Variants in MAML2 observed in about 807,000 individuals in gnomAD.
MAML2 encodes the protein mastermind-like protein 2.
A neutral mutation model predicts 96.1 loss-of-function variants in MAML2; 22 were observed. The observed-to-expected ratio is 0.23, with a 90% CI of 0.16 to 0.33. The LOEUF is 0.33. Among genes scored for constraint, MAML2 ranks in the 10% least tolerant of loss-of-function variants. MAML2 has a pLI of 1.00. For missense variants in MAML2, 1,367 were observed against 1,392.4 expected, an observed-to-expected ratio of 0.98 and a Z score of 0.29; for synonymous variants, 561 against 521.3, an observed-to-expected ratio of 1.08 and a Z score of -1.04.
intron 2 of MAML2, among the ~76,000 whole-genome samples, chr11:96,050,668 T>A (rs1019986534): frequency 1.3e-5 from 2 of 152,208 alleles, no homozygotes; most frequent in Non-Finnish European, 2.9e-5. Flanking sequence ...TGGGAGGAAC[T>A]ATAAATGAAC....
chr11:96,329,973 A>G (rs1452222019), intron 1 of MAML2, among the ~76,000 whole-genome samples: 1 of 152,222 alleles, frequency 6.6e-6, no homozygotes, highest in Non-Finnish European at 1.5e-5. Flanking sequence ...TATATTTGCT[A>G]TGCTGTTTGA....
At chr11:96,152,894 T>C (rs1860946261) in intron 1 of MAML2, among the ~76,000 whole-genome samples, 2 of 152,204 alleles carry the variant, frequency 1.3e-5, no homozygotes, top group African/African-American at 4.8e-5. Context: ...TCTCACAGAT[T>C]GGATGCAAGC....
At position 96,276,723 on chromosome 11, in the gene MAML2, G is replaced by T. The variant is rs1004612588; in HGVS notation, c.513+64660C>A. ...TCAGGTCGAAGTGGCTTGCGAAAAG[G>T]CTACTAAAAAACAGAAGAGGAAAAA... On this transcript the variant is annotated intron_variant, in intron 1 of 4. Coordinates refer to ENST00000524717, the MANE Select transcript of MAML2 (RefSeq NM_032427.4). 3.4e-5 allele frequency among the ~76,000 whole-genome samples: 5 copies of T among 149,250 alleles called. No homozygotes were observed. The South Asian group carries it at 8.4e-4, about 25-fold the overall frequency.
In MAML2 at chr11:96,255,912, T is replaced by A. The variant is rs184772320; in HGVS notation, c.513+85471A>T. Among the ~76,000 whole-genome samples, 987 of 140,384 alleles carry A rather than the reference T, an allele frequency of 7.0e-3. 15 individuals are homozygous for A. The highest frequency in any genetic ancestry group is 0.023 in the African/African-American group (897 of 38,620). 92.1% of individuals were successfully genotyped at this position (140,384 alleles called of 152,430 possible). A position where few individuals can be genotyped will look rare whatever the true frequency, so the allele number is the denominator to read the frequency against. ...TTTTGAGACAGAGTTTTGCTCTTGTTGCCCAGGCTGAAGTGCAATGGCGCG... is the reference window on the plus strand; with the variant it reads ...TTTTGAGACAGAGTTTTGCTCTTGTAGCCCAGGCTGAAGTGCAATGGCGCG... On this transcript the variant is annotated intron_variant, in intron 1 of 4. Transcript: ENST00000524717.
At chr11:96,055,514 C>A (rs1315167985) in intron 2 of MAML2, among the ~76,000 whole-genome samples, 1 of 152,192 alleles carries the variant, frequency 6.6e-6, no homozygotes, top group African/African-American at 2.4e-5. Flanking sequence ...AGAGCCTTTT[C>A]TCTCTATACT....
intron 1 of MAML2, among the ~76,000 whole-genome samples, chr11:96,323,357 C>CAGAATAT (rs1406809140): frequency 1.6e-4 from 25 of 151,778 alleles, no homozygotes; most frequent in African/African-American, 5.8e-4. Flanking sequence ...GAGAATTTCC[C>CAGAATAT]TCAGAATATT....
At chr11:96,279,623 C>T (rs1405352266) in intron 1 of MAML2, among the ~76,000 whole-genome samples, 1 of 152,192 alleles carries the variant, frequency 6.6e-6, no homozygotes, top group African/African-American at 2.4e-5. Context: ...ATTTGACACT[C>T]TCCACTCCCC....
chr11:96,152,194 G>T (rs931633960), intron 1 of MAML2, among the ~76,000 whole-genome samples: 1 of 152,186 alleles, frequency 6.6e-6, no homozygotes, highest in Non-Finnish European at 1.5e-5. Context: ...TGCACTCCAG[G>T]CTGGGCAACA....
intron 2 of MAML2, among the ~76,000 whole-genome samples, chr11:96,002,364 C>G (rs1384763482): frequency 2.6e-5 from 4 of 152,146 alleles, no homozygotes; most frequent in Admixed American, 6.6e-5. Flanking sequence ...ACTGGAAAAC[C>G]AAAGTGGGGG....
chr11:96,228,427 C>A (rs722146), intron 1 of MAML2, among the ~76,000 whole-genome samples: 20,782 of 152,054 alleles, frequency 0.14, 1,674 homozygotes, highest in African/African-American at 0.21. Flanking sequence ...AAGTCACACT[C>A]AAAAATGGTT....
intron 1 of MAML2, among the ~76,000 whole-genome samples, chr11:96,125,603 A>G (rs1565222748): frequency 1.3e-5 from 2 of 152,162 alleles, no homozygotes; most frequent in Non-Finnish European, 2.9e-5. Flanking sequence ...GTGTGTCAGT[A>G]CTATCTGCCT....
chr11:96,225,718 A>C (rs1242732080), intron 1 of MAML2, among the ~76,000 whole-genome samples: 2 of 152,094 alleles, frequency 1.3e-5, no homozygotes, highest in East Asian at 3.9e-4. Flanking sequence ...CTGTAGTCCC[A>C]GCTACTTGGG....
At chr11:96,170,663 C>T (rs959781624) in intron 1 of MAML2, among the ~76,000 whole-genome samples, 2 of 152,114 alleles carry the variant, frequency 1.3e-5, no homozygotes, top group African/African-American at 4.8e-5. Context: ...ATGCATGGGG[C>T]TGGAAGCTGT....
At chr11:96,036,966 G>A (rs1010730) in intron 2 of MAML2, among the ~76,000 whole-genome samples, 27,256 of 152,080 alleles carry the variant, frequency 0.18, 2,994 homozygotes, top group East Asian at 0.37. Flanking sequence ...AAGTGAAAGC[G>A]GAGTAGATAA....
At chr11:96,117,726 T>A (rs903159238) in intron 1 of MAML2, among the ~76,000 whole-genome samples, 1 of 152,166 alleles carries the variant, frequency 6.6e-6, no homozygotes, top group South Asian at 2.1e-4. Context: ...AGAAGATTCT[T>A]AGAACAAAAA....
intron 1 of MAML2, among the ~76,000 whole-genome samples, chr11:96,250,166 C>T (rs1176380364): frequency 2.0e-5 from 3 of 152,074 alleles, no homozygotes; most frequent in African/African-American, 7.2e-5. Flanking sequence ...TACAGTATTA[C>T]CTGTTTATGA....
At chr11:96,006,854 C>A (rs1858186644) in intron 2 of MAML2, among the ~76,000 whole-genome samples, 1 of 147,982 alleles carries the variant, frequency 6.8e-6, no homozygotes, top group Non-Finnish European at 1.5e-5. Flanking sequence ...GCCACCACGC[C>A]TGGCCAGGAA....
At chr11:96,105,450 T>C (rs1271591609) in intron 1 of MAML2, among the ~76,000 whole-genome samples, 1 of 152,210 alleles carries the variant, frequency 6.6e-6, no homozygotes, top group African/African-American at 2.4e-5. Context: ...TACAATCACC[T>C]GGAGACACAG....
At chr11:96,070,673 C>T (rs547894884) in intron 2 of MAML2, among the ~76,000 whole-genome samples, 44 of 152,376 alleles carry the variant, frequency 2.9e-4, no homozygotes, top group African/African-American at 1.1e-3. Context: ...CTCCATGCGA[C>T]TTGCCCTTGG....
Sources: gnomAD v4.1 joint callset for allele counts (sites outside exome capture counted in the v4.1 genomes callset) on GRCh38, gnomAD v4.1.1 for gene constraint, MANE v1.5 for transcripts, NCBI Gene and HGNC (gene_info 2026-07-23, HGNC 2026-07-21) for gene names.